RFPL1: variants seen among roughly 807,000 people sequenced by gnomAD.
RFPL1 encodes the protein ret finger protein like 1.
Under a neutral mutation model 9.6 loss-of-function variants are expected in RFPL1, and 6 were observed. The ratio of observed to expected loss-of-function variants is 0.62; its 90% CI spans 0.34 to 1.23. The LOEUF is 1.23. Among genes scored for constraint, RFPL1 ranks in the 50% most tolerant of loss-of-function variants. RFPL1 has a pLI of 0.03. For missense variants in RFPL1, 352 were observed against 398.4 expected (o/e 0.88, Z 0.99); for synonymous variants, 145 against 149.4 (o/e 0.97, Z 0.22).
the RFPL1 span, among the ~76,000 whole-genome samples, chr22:29,420,060 T>C: frequency 6.6e-6 from 1 of 152,206 alleles, no homozygotes. Context: ...GAGAGCAGGA[T>C]TTGTGGATTC....
upstream of RFPL1, chr22:29,435,049 A>G (rs1230332788): frequency 6.6e-6 from 1 of 152,268 alleles, no homozygotes; most frequent in Non-Finnish European, 1.5e-5. Flanking sequence ...TTTATGCTCA[A>G]TGCAAGAAAC....
At chr22:29,408,958 G>A in the RFPL1 span, among the ~76,000 whole-genome samples, 1 of 144,370 alleles carries the variant, frequency 6.9e-6, no homozygotes, top group Non-Finnish European at 1.5e-5. Flanking sequence ...TTCACCAAGT[G>A]AATAAAGGCC....
At chr22:29,412,673 C>T in the RFPL1 span, among the ~76,000 whole-genome samples, 1 of 152,140 alleles carries the variant, frequency 6.6e-6, no homozygotes, top group African/African-American at 2.4e-5. Context: ...ACACATTAGG[C>T]CCCATGAATG....
At chr22:29,392,215 G>A in the RFPL1 span, among the ~76,000 whole-genome samples, 1 of 151,582 alleles carries the variant, frequency 6.6e-6, no homozygotes, top group South Asian at 2.1e-4. Flanking sequence ...GAGTCGCTGG[G>A]ATTACAGGCG....
chr22:29,415,419 C>A, the RFPL1 span, among the ~76,000 whole-genome samples: 10 of 152,238 alleles, frequency 6.6e-5, no homozygotes, highest in African/African-American at 1.9e-4. Flanking sequence ...CACTGATCCT[C>A]TGCGGGGGCC....
At chr22:29,416,521 T>C in the RFPL1 span, among the ~76,000 whole-genome samples, 1 of 152,172 alleles carries the variant, frequency 6.6e-6, no homozygotes, top group Non-Finnish European at 1.5e-5. Flanking sequence ...CATACTTAGG[T>C]ATCTGGTCCT....
the RFPL1 span, among the ~76,000 whole-genome samples, chr22:29,415,677 G>A: frequency 6.6e-6 from 1 of 152,222 alleles, no homozygotes; most frequent in African/African-American, 2.4e-5. Flanking sequence ...CCGGGAAATC[G>A]GCAGACTTGC....
the RFPL1 span, among the ~76,000 whole-genome samples, chr22:29,394,713 A>G: frequency 1.3e-5 from 2 of 152,316 alleles, no homozygotes; most frequent in South Asian, 4.1e-4. Flanking sequence ...GCATCGTTGT[A>G]TGCCCTTGAC....
chr22:29,419,189 C>G, the RFPL1 span: 1 of 1,607,040 alleles, frequency 6.2e-7, no homozygotes, highest in Non-Finnish European at 8.5e-7. Context: ...GATGCAATCA[C>G]TTTCTTCACT....
chr22:29,412,126 A>G, the RFPL1 span, among the ~76,000 whole-genome samples: 11 of 152,196 alleles, frequency 7.2e-5, no homozygotes, highest in African/African-American at 2.4e-4. Flanking sequence ...TGAGAGGGGC[A>G]GAACAGGAAT....
intron 1 of RFPL1, chr22:29,440,300 T>A (rs1343072402): frequency 6.6e-6 from 1 of 152,220 alleles, no homozygotes; most frequent in East Asian, 1.9e-4. Flanking sequence ...TAATTCACCA[T>A]CAAACAGCAA....
the RFPL1 span, among the ~76,000 whole-genome samples, chr22:29,394,336 T>TTTTTGTTTTG: frequency 2.0e-4 from 30 of 149,502 alleles, no homozygotes; most frequent in African/African-American, 5.5e-4. Flanking sequence ...TTTGTTGTTG[T>TTTTTGTTTTG]TTTTGTTTTG....
At chr22:29,424,549 C>A in the RFPL1 span, among the ~76,000 whole-genome samples, 1 of 151,560 alleles carries the variant, frequency 6.6e-6, no homozygotes, top group African/African-American at 2.4e-5. Context: ...GGCTGGGAGA[C>A]CATCTCAGGT....
At chr22:29,427,330 G>C in the RFPL1 span, among the ~76,000 whole-genome samples, 1 of 152,234 alleles carries the variant, frequency 6.6e-6, no homozygotes, top group East Asian at 1.9e-4. Context: ...AGCCACATGA[G>C]TGAGGGAGAA....
the RFPL1 span, among the ~76,000 whole-genome samples, chr22:29,398,154 G>A: frequency 5.3e-5 from 8 of 152,194 alleles, no homozygotes; most frequent in Non-Finnish European, 1.2e-4. Context: ...ACTCATGGGG[G>A]TGTGGGAAGG....
chr22:29,391,023 T>C, the RFPL1 span, among the ~76,000 whole-genome samples: 1 of 150,898 alleles, frequency 6.6e-6, no homozygotes, highest in African/African-American at 2.4e-5. Context: ...GTGCCTGTAG[T>C]CCCAGCTACT....
chr22:29,414,607 A>G, the RFPL1 span, among the ~76,000 whole-genome samples: 1 of 151,672 alleles, frequency 6.6e-6, no homozygotes, highest in East Asian at 1.9e-4. Flanking sequence ...TTTTTTCCTT[A>G]ATCACCTGGG....
the RFPL1 span, among the ~76,000 whole-genome samples, chr22:29,418,496 CTTT>C: frequency 1.6e-5 from 2 of 124,480 alleles, no homozygotes; most frequent in Admixed American, 8.2e-5. Flanking sequence ...TCTTCGTCTT[CTTT>C]TTTTTTTTTT....
the RFPL1 span, among the ~76,000 whole-genome samples, chr22:29,388,957 C>T: frequency 2.0e-5 from 3 of 152,122 alleles, no homozygotes; most frequent in Non-Finnish European, 2.9e-5. Flanking sequence ...GCTCACTGCA[C>T]CCTCCGCCTC....
Sources: allele counts gnomAD v4.1 joint callset (sites outside exome capture counted in the v4.1 genomes callset), GRCh38; gene constraint gnomAD v4.1.1; transcripts MANE v1.5; gene names NCBI Gene and HGNC (gene_info 2026-07-23, HGNC 2026-07-21).